COPB1: variants seen among roughly 807,000 people sequenced by gnomAD.
The protein encoded by COPB1 is coatomer subunit beta.
COPB1 carries 21 observed loss-of-function variants against 108.7 expected under a neutral mutation model. That is an observed-to-expected ratio of 0.19 (90% CI 0.14 to 0.28). The LOEUF (loss-of-function observed/expected upper bound fraction) is 0.28, where lower values mean the gene tolerates loss of function less well. Ranked by LOEUF, COPB1 falls within the 10% of genes least tolerant of loss-of-function variation. The probability of loss-of-function intolerance (pLI) is 1.00; values close to 1 mark genes in which losing one functional copy is unlikely to be tolerated. For missense variants in COPB1, 919 were observed against 1,141.3 expected (o/e 0.81, Z 2.81); for synonymous variants, 378 against 386.8 (o/e 0.98, Z 0.27).
chr11:14,466,221 TTAATCTGTCATAAAGATCTACTATGTG>T, intron 17 of COPB1, 34 bp downstream of exon 17: 1 of 1,517,480 alleles, frequency 6.6e-7, no homozygotes. Context: ...TGCACCTCCC[TTAATCTGTCATAAAGATCTACTATGTG>T]ACAATCTCTT....
At chr11:14,493,290 T>A (rs1850948808) in intron 4 of COPB1, among the ~76,000 whole-genome samples, 2 of 152,118 alleles carry the variant, frequency 1.3e-5, no homozygotes, top group Non-Finnish European at 2.9e-5. Flanking sequence ...CAAAACGAAT[T>A]CTAAAACAAG....
chr11:14,475,864 T>G lies in COPB1; in HGVS notation c.1537A>C (p.Lys513Gln), dbSNP rs200959064. 2 of 1,613,920 alleles carry G rather than the reference T, an allele frequency of 1.2e-6. No individual in the cohort carries two copies. The highest frequency in any genetic ancestry group is 2.2e-5 in the East Asian group (1 of 44,864). The change falls in exon 13 of 22, where the codon AAA becomes CAA. Residue 513 changes from lysine (K) to glutamine (Q), a missense_variant. Lys to Gln is a moderately conservative substitution (Grantham distance 53). Transcript: ENST00000439561. Reference protein sequence around the residue: ...EEEITVGPVQKLVTEMGTYAT... With the variant: ...EEEITVGPVQQLVTEMGTYAT... ...TAGGTACCCATTTCAGTAACCAATT[T>G]CTGAACTGGCCCTACAGTTATTTCT...
chr11:14,461,570 T>A (rs926024270), intron 18 of COPB1, among the ~76,000 whole-genome samples: 3 of 152,208 alleles, frequency 2.0e-5, no homozygotes, highest in Non-Finnish European at 4.4e-5. Flanking sequence ...GCAGAGAAGT[T>A]AAGTAAGTTG....
chr11:14,493,941 T>C (rs974139206), intron 3 of COPB1, 130 bp from the exon 4 acceptor site: 51 of 882,292 alleles, frequency 5.8e-5, no homozygotes, highest in Non-Finnish European at 8.2e-5. Flanking sequence ...ATTTCCATCA[T>C]ATTCTTGTTG....
chr11:14,477,070 G>T, intron 11 of COPB1, 55 bp from the exon 12 acceptor site: 3 of 1,197,480 alleles, frequency 2.5e-6, no homozygotes, highest in South Asian at 1.2e-5. Context: ...TTGAAGCAGA[G>T]ATCTTTCTTT....
chr11:14,479,885 C>G (rs976133653), intron 10 of COPB1, among the ~76,000 whole-genome samples, 171 bp from the exon 11 acceptor site: 1 of 152,150 alleles, frequency 6.6e-6, no homozygotes. Flanking sequence ...CTCACTGCAG[C>G]CTTGAACTCT....
At chr11:14,473,805 G>C (rs537109090) in intron 14 of COPB1, among the ~76,000 whole-genome samples, 4 of 148,780 alleles carry the variant, frequency 2.7e-5, no homozygotes, top group Non-Finnish European at 5.9e-5. Flanking sequence ...TAACAGACTT[G>C]CTCAACTCAG....
rs751842136 is a variant in COPB1, at chr11:14,475,919, C to T, written c.1482G>A (p.Lys494=). The T allele has an allele frequency of 1.9e-5, 30 of 1,610,204 alleles. No homozygotes were observed. The highest frequency in any genetic ancestry group is 2.5e-5 in the Non-Finnish European group (29 of 1,178,810). Residue 494 remains lysine, a synonymous_variant, in exon 13 of 22, where the codon AAG becomes AAA. Transcript: ENST00000439561. ...CAGGTTTTAATTCACCAGCTTCTTT[C>T]TTTATTTCTGACTCTACAATTGGGA... ...GEIPIVESEI[K]KEAGELKPEE... is the part of the protein sequence containing the mutation.
At chr11:14,477,665 C>A (rs564685213) in intron 11 of COPB1, among the ~76,000 whole-genome samples, 1 of 152,080 alleles carries the variant, frequency 6.6e-6, no homozygotes, top group South Asian at 2.1e-4. Flanking sequence ...GAGGCTGAGG[C>A]GGGCGGATCA....
At chr11:14,482,246 A>AT (rs1850676053) in intron 8 of COPB1, among the ~76,000 whole-genome samples, 1 of 152,182 alleles carries the variant, frequency 6.6e-6, no homozygotes, top group African/African-American at 2.4e-5. Context: ...AATCTGTCCC[A>AT]ATAATGTCCT....
chr11:14,486,670 T>C (rs1232058642), intron 6 of COPB1, among the ~76,000 whole-genome samples, 166 bp from the exon 7 acceptor site: 1 of 152,144 alleles, frequency 6.6e-6, no homozygotes, highest in Non-Finnish European at 1.5e-5. Context: ...TGAGACACTA[T>C]GACACAACAT....
rs867261782 is a variant in COPB1 at position 14,475,658 on chromosome 11, T to C, written c.1616+127A>G. ...ACTTAAACATCCTCCGCTTCTCAAGTACCTTAAATGGCAAAGATTTTCATT... is the reference window on the plus strand; with the variant it reads ...ACTTAAACATCCTCCGCTTCTCAAGCACCTTAAATGGCAAAGATTTTCATT... On this transcript the variant is annotated intron_variant, in intron 13 of 21. Coordinates refer to ENST00000439561, the MANE Select transcript of COPB1 (RefSeq NM_001144061.2). 5 of 913,342 alleles carry C rather than the reference T, an allele frequency of 5.5e-6. 1 individual carries two copies. Among genetic ancestry groups the C allele is most frequent in the Middle Eastern group, 5.4e-4 (2 of 3,730 alleles). The allele number at this position is 913,342 out of a possible 1,614,324, so 56.6% of individuals were successfully genotyped here.
intron 14 of COPB1, 113 bp downstream of exon 14, chr11:14,474,382 A>C (rs1850471388): frequency 2.2e-6 from 2 of 905,306 alleles, no homozygotes; most frequent in Non-Finnish European, 3.3e-6. Context: ...ATTAAATCAT[A>C]AACTCTTTCA....
rs990135534 is a variant in COPB1, at chr11:14,494,502, T to A, written c.92-63A>T. The A allele has an allele frequency of 2.3e-5, 23 of 980,850 alleles. No homozygotes were observed. In the Admixed American group the frequency reaches 4.5e-4, roughly 19 times the overall value. 60.8% of individuals were successfully genotyped at this position (980,850 alleles called of 1,614,324 possible). On this transcript the variant is annotated intron_variant, in intron 2 of 21. Transcript: ENST00000439561. The stretch of plus-strand genomic sequence containing the variant: ...TTCAAAAGAAAATTCATCACATAAA[T>A]TTAAAAGCAATTAACAAAATAAAAT...
intron 2 of COPB1, among the ~76,000 whole-genome samples, chr11:14,495,056 T>C (rs147403924): frequency 6.6e-6 from 1 of 152,330 alleles, no homozygotes; most frequent in East Asian, 1.9e-4. Context: ...TCTAGATTAG[T>C]AGTCATTATT....
chr11:14,462,464 C>A (rs1042046589), intron 18 of COPB1, among the ~76,000 whole-genome samples: 2 of 152,100 alleles, frequency 1.3e-5, no homozygotes, highest in Non-Finnish European at 2.9e-5. Flanking sequence ...GAACTCCTGA[C>A]CTCATGATCC....
intron 14 of COPB1, among the ~76,000 whole-genome samples, chr11:14,470,899 TACACACACACACACAC>T (rs56957263): frequency 0.1 from 14,125 of 134,780 alleles, 978 homozygotes; most frequent in East Asian, 0.32. Context: ...GTGGAAGAAA[TACACACACACACACAC>T]ACACACACAC....
At chr11:14,475,153 A>G (rs1327434850) in intron 13 of COPB1, among the ~76,000 whole-genome samples, 1 of 152,010 alleles carries the variant, frequency 6.6e-6, no homozygotes, top group Admixed American at 6.6e-5. Context: ...AAAAGCCATC[A>G]GAATATGGAA....
intron 14 of COPB1, among the ~76,000 whole-genome samples, chr11:14,470,642 C>A (rs1565014809): frequency 1.3e-5 from 2 of 152,000 alleles, no homozygotes; most frequent in South Asian, 4.2e-4. Context: ...CTGGGAAAAA[C>A]CAGCAGAAGA....
Sources: gnomAD v4.1 joint callset for allele counts (sites outside exome capture counted in the v4.1 genomes callset) on GRCh38, gnomAD v4.1.1 for gene constraint, MANE v1.5 for transcripts, NCBI Gene and HGNC (gene_info 2026-07-23, HGNC 2026-07-21) for gene names.